Variants in FAT1 observed in about 807,000 individuals in gnomAD.
The protein encoded by FAT1 is protocadherin Fat 1.
FAT1 carries 171 observed loss-of-function variants against 329.8 expected under a neutral mutation model. The observed-to-expected ratio is 0.52, with a 90% CI of 0.46 to 0.59. The LOEUF is 0.59. FAT1 is among the 20% of genes least tolerant of loss of function. The pLI, the probability that FAT1 is intolerant of heterozygous loss-of-function variation, is 0.00. For missense variants in FAT1, 5,672 were observed against 5,774.4 expected (o/e 0.98, Z 0.57); for synonymous variants, 2,233 against 2,228.6 (o/e 1.00, Z -0.06).
intron 2 of FAT1, among the ~76,000 whole-genome samples, chr4:186,703,092 G>C (rs1307567157): frequency 6.6e-6 from 1 of 152,060 alleles, no homozygotes; most frequent in Non-Finnish European, 1.5e-5. Flanking sequence ...CAGTCACGTG[G>C]CATGGATCTG....
chr4:186,719,823 A>G (rs1370354145), intron 1 of FAT1, among the ~76,000 whole-genome samples: 1 of 152,162 alleles, frequency 6.6e-6, no homozygotes, highest in Non-Finnish European at 1.5e-5. Context: ...TGCTGCTACC[A>G]CCTAGTTAGA....
At position 186,596,704 on chromosome 4, in the gene FAT1, G is replaced by A. The variant is rs1216433421; in HGVS notation, c.12836C>T (p.Pro4279Leu). 1.9e-6 allele frequency: 3 copies of A among 1,613,848 alleles called. No homozygotes were observed. The highest frequency in any genetic ancestry group is 2.5e-6 in the Non-Finnish European group (3 of 1,179,812). Reference sequence around the variant, plus strand: ...AAAAGTGCTGAATTCGGGATGCTCTGGGATAGCAGATCCTTCGAAGGAATT... The same window carrying A: ...AAAAGTGCTGAATTCGGGATGCTCTAGGATAGCAGATCCTTCGAAGGAATT... ...DRNSFEGSAI[P>L]EHPEFSTFNP... The change falls in exon 25 of 27, where the codon CCA (proline) becomes CTA (leucine). Residue 4279 changes from proline (P) to leucine (L), a missense_variant. Physicochemically the swap from Pro to Leu is moderately conservative, Grantham distance 98 (BLOSUM62 -3). Around this residue, in one of 2 missense-constraint regions of FAT1, gnomAD observed 1,706 missense variants for 1,859.1 expected, o/e 0.92. Transcript: ENST00000441802. This position sits in a 1 kb window ranked among gnomAD's most constrained non-coding sequence, Gnocchi z 4.7.
At position 186,621,023 on chromosome 4, in the gene FAT1, G is replaced by A. The variant is rs773207249; in HGVS notation, c.5563C>T (p.Pro1855Ser). The change falls in exon 10 of 27, where the codon CCA becomes TCA. Residue 1855 changes from proline (P) to serine (S), a missense_variant. Coordinates refer to ENST00000441802, the MANE Select transcript of FAT1 (RefSeq NM_005245.4). ...GCTGCATACTCAGCAAATAAACGTG[G>A]GGTTCCCATGTCATGCACTTGGACG... ...FTVQVHDMGT[P>S]RLFAEYAANV... 3.1e-6 allele frequency: 5 copies of A among 1,612,436 alleles called. No homozygotes were observed. In the Admixed American group the frequency reaches 8.3e-5, roughly 27 times the overall value.
chr4:186,667,120 A>G (rs950733737), intron 2 of FAT1, among the ~76,000 whole-genome samples: 3 of 152,254 alleles, frequency 2.0e-5, no homozygotes, highest in African/African-American at 4.8e-5. Context: ...TATGAAATGG[A>G]AGTATATCAC....
intron 3 of FAT1, among the ~76,000 whole-genome samples, chr4:186,640,244 T>G (rs1235995462): frequency 1.3e-5 from 2 of 152,034 alleles, no homozygotes; most frequent in Non-Finnish European, 2.9e-5. Flanking sequence ...GTACGGTTAT[T>G]TTGTCTACAA....
At chr4:186,630,344 G>T (rs1560951130) in intron 7 of FAT1, among the ~76,000 whole-genome samples, 1 of 152,160 alleles carries the variant, frequency 6.6e-6, no homozygotes, top group Non-Finnish European at 1.5e-5. Flanking sequence ...ATGAAGGCAA[G>T]CAGTGGGACG....
chr4:186,722,394 C>T (rs912048512), intron 1 of FAT1, among the ~76,000 whole-genome samples: 1 of 152,182 alleles, frequency 6.6e-6, no homozygotes, highest in African/African-American at 2.4e-5. Context: ...TTACCTTGAG[C>T]TTGTTAAATG....
At chr4:186,623,168 G>C (rs1187719334) in intron 9 of FAT1, among the ~76,000 whole-genome samples, 2 of 152,214 alleles carry the variant, frequency 1.3e-5, no homozygotes, top group African/African-American at 2.4e-5. Flanking sequence ...TCTGCAACAG[G>C]GTGGAGGCCC....
chr4:186,714,399 CA>C (rs1745111649), intron 1 of FAT1, among the ~76,000 whole-genome samples: 1 of 152,008 alleles, frequency 6.6e-6, no homozygotes, highest in Non-Finnish European at 1.5e-5. Flanking sequence ...CCTCAGGGAG[CA>C]GATCGGGAGG....
At chr4:186,676,866 T>C (rs1350819855) in intron 2 of FAT1, among the ~76,000 whole-genome samples, 1 of 152,204 alleles carries the variant, frequency 6.6e-6, no homozygotes, top group Non-Finnish European at 1.5e-5. Flanking sequence ...ACCGCAACTA[T>C]TGCTCTCAAA....
intron 7 of FAT1, 47 bp downstream of exon 7, chr4:186,633,637 T>A (rs1239186643): frequency 2.5e-6 from 4 of 1,610,332 alleles, no homozygotes; most frequent in Non-Finnish European, 3.4e-6. Flanking sequence ...AGTCAGAACG[T>A]TATCTCCATC....
intron 24 of FAT1, 69 bp downstream of exon 24, chr4:186,597,613 T>C: frequency 9.6e-7 from 1 of 1,038,380 alleles, no homozygotes; most frequent in Non-Finnish European, 1.5e-6. Flanking sequence ...ACTGAAGGTC[T>C]GTTGCATCTG....
Position 186,628,472 on chromosome 4 carries a change from C to A in FAT1, c.4599+16G>T, listed in dbSNP as rs372592957. 3 of 1,613,430 alleles carry A rather than the reference C, an allele frequency of 1.9e-6. No homozygotes were observed. The highest frequency in any genetic ancestry group is 2.5e-6 in the Non-Finnish European group (3 of 1,179,464). ...TCAGGACCAAATGGTGGGAGGAGAG[C>A]GGGTAGAGCGCCTACCATGACCGTG... On this transcript the variant is annotated intron_variant, in intron 8 of 26. Transcript: ENST00000441802.
intron 2 of FAT1, among the ~76,000 whole-genome samples, chr4:186,694,930 C>T (rs1455820986): frequency 6.6e-6 from 1 of 152,202 alleles, no homozygotes; most frequent in East Asian, 1.9e-4. Context: ...CCACTGCACT[C>T]CAGCCTGGGC....
chr4:186,681,339 A>T (rs533858239), intron 2 of FAT1, among the ~76,000 whole-genome samples: 9 of 152,240 alleles, frequency 5.9e-5, no homozygotes, highest in Non-Finnish European at 1.2e-4. Flanking sequence ...AATCTATTGA[A>T]TCTATTTTGA....
In FAT1 at chr4:186,588,807, G is replaced by A. The variant is rs772588307; in HGVS notation, c.13552C>T (p.Pro4518Ser). 2.5e-6 allele frequency: 4 copies of A among 1,613,990 alleles called. No individual in the cohort carries two copies. The Admixed American group carries it at 6.7e-5, about 27-fold the overall frequency. Residue 4518 changes from proline (P) to serine (S), a missense_variant, in exon 27 of 27, where the codon CCT (proline) becomes TCT (serine). Transcript: ENST00000441802. ...ENSTCREPHA[P>S]YPPGYQRHFE... ...TGTCTTTGATACCCTGGCGGGTAAG[G>A]GGCATGGGGTTCTCTACAAGTACTA...
intron 9 of FAT1, among the ~76,000 whole-genome samples, chr4:186,623,318 A>G (rs1740140417): frequency 6.6e-6 from 1 of 152,032 alleles, no homozygotes; most frequent in Admixed American, 6.6e-5. Context: ...TCCTGATTGC[A>G]TTTTTGGCCG....
chr4:186,600,153 CAT>C lies in FAT1; in HGVS notation c.11846_11847del (p.Tyr3949CysfsTer22), dbSNP rs1395974139. On this transcript the variant is annotated frameshift_variant, in exon 22 of 27. Transcript: ENST00000441802. LOFTEE classifies it high-confidence loss of function. ...TGACGGATGTGGCCACCAAAAAACA[CAT>C]AGTTATCCAGGTTCAGGGTTTTCAG... ...GTLKTLNLDN[Y>X]VFFGGHIRQQ... The C allele has an allele frequency of 5.0e-6, 8 of 1,613,938 alleles. No individual in the cohort carries two copies. Among genetic ancestry groups the C allele is most frequent in the Non-Finnish European group, 5.9e-6 (7 of 1,179,910 alleles).
chr4:186,719,097 C>T (rs1432008869), intron 1 of FAT1, among the ~76,000 whole-genome samples: 1 of 152,208 alleles, frequency 6.6e-6, no homozygotes, highest in African/African-American at 2.4e-5. Flanking sequence ...CACTGACTCA[C>T]CTACAACTCT....
Sources: allele counts gnomAD v4.1 joint callset (sites outside exome capture counted in the v4.1 genomes callset), GRCh38; gene constraint gnomAD v4.1.1; regional missense constraint gnomAD v4.1.1; non-coding constraint Gnocchi (gnomAD v3.1); transcripts MANE v1.5; gene names NCBI Gene and HGNC (gene_info 2026-07-23, HGNC 2026-07-21).